The following TUSC3 variants were observed in gnomAD, a reference collection of about 807,000 sequenced individuals.
The protein encoded by TUSC3 is dolichyl-diphosphooligosaccharide--protein glycosyltransferase subunit TUSC3.
Under a neutral mutation model 44.8 loss-of-function variants are expected in TUSC3, and 45 were observed. The observed-to-expected ratio is 1.00, with a 90% confidence interval of 0.79 to 1.29. The LOEUF (loss-of-function observed/expected upper bound fraction) is 1.29, where lower values mean the gene tolerates loss of function less well. TUSC3 is among the 50% of genes most tolerant of loss of function. The pLI is 0.00. For synonymous variants in TUSC3, 212 were observed against 152.9 expected, an observed-to-expected ratio of 1.39 and a Z score of -2.85; for missense variants, 519 against 437.9, an observed-to-expected ratio of 1.19 and a Z score of -1.65.
chr8:15,482,501 C>T (rs919001322), intron 1 of TUSC3, among the ~76,000 whole-genome samples: 2 of 152,192 alleles, frequency 1.3e-5, no homozygotes, highest in Admixed American at 1.3e-4. Context: ...TTGAGACCTG[C>T]TGCTTAGAAA....
chr8:15,673,387 T>A (rs1207537438), intron 5 of TUSC3, among the ~76,000 whole-genome samples: 1 of 152,094 alleles, frequency 6.6e-6, no homozygotes, highest in African/African-American at 2.4e-5. Flanking sequence ...GATTATCATG[T>A]CCTTTAAAAT....
At chr8:15,418,582 C>G (rs552865218) in intron 1 of TUSC3, among the ~76,000 whole-genome samples, 1 of 152,022 alleles carries the variant, frequency 6.6e-6, no homozygotes, top group African/African-American at 2.4e-5. Context: ...GTTATAAAAT[C>G]GGCAGCAAAA....
At chr8:15,544,080 T>A (rs1423602001) in intron 1 of TUSC3, among the ~76,000 whole-genome samples, 2 of 152,158 alleles carry the variant, frequency 1.3e-5, no homozygotes, top group African/African-American at 2.4e-5. Context: ...ATTGGAAATT[T>A]GTATAGTCAC....
At chr8:15,443,023 C>G (rs1470919594) in intron 1 of TUSC3, among the ~76,000 whole-genome samples, 2 of 152,192 alleles carry the variant, frequency 1.3e-5, no homozygotes, top group Non-Finnish European at 2.9e-5. Context: ...CCAGTAACCC[C>G]TTCACTCCAC....
chr8:15,703,301 A>G (rs1563181305), intron 6 of TUSC3, among the ~76,000 whole-genome samples: 1 of 152,136 alleles, frequency 6.6e-6, no homozygotes, highest in Non-Finnish European at 1.5e-5. Flanking sequence ...AGGTAAAACA[A>G]ATAACATATT....
the TUSC3 span, among the ~76,000 whole-genome samples, chr8:15,792,567 A>C: frequency 7.2e-5 from 11 of 151,934 alleles, no homozygotes; most frequent in Non-Finnish European, 1.6e-4. Flanking sequence ...ATCATACTGC[A>C]TTTTTCTAGT....
At chr8:15,820,832 GT>G in the TUSC3 span, among the ~76,000 whole-genome samples, 1 of 152,004 alleles carries the variant, frequency 6.6e-6, no homozygotes, top group Admixed American at 6.6e-5. Flanking sequence ...TCCCTCTTAT[GT>G]TTTTTAAAAT....
chr8:15,494,215 G>A lies in TUSC3; in HGVS notation n.189+10732G>A, dbSNP rs187964546. Reference sequence around the variant, plus strand: ...GATCTGAATTCCTTCATAGTCCGTGGATGTCGTATGGCGTTTATTATCTAA... The same window carrying A: ...GATCTGAATTCCTTCATAGTCCGTGAATGTCGTATGGCGTTTATTATCTAA... On this transcript the variant is annotated intron_variant and non_coding_transcript_variant, in intron 2 of 5. Transcript: ENST00000503191. 1.9e-3 allele frequency among the ~76,000 whole-genome samples: 284 copies of A among 152,088 alleles called. 3 individuals carry two copies. The highest frequency in any genetic ancestry group is 6.4e-3 in the African/African-American group (265 of 41,498).
chr8:15,421,759 G>A lies in TUSC3; in HGVS notation n.91+4454G>A, dbSNP rs147715474. On this transcript the variant is annotated intron_variant and non_coding_transcript_variant, in intron 1 of 5. Coordinates refer to the TUSC3 transcript ENST00000503191. ...AAGAGAAAGAAAATGAGGTCTCCACGTCATCTGAGACCCTGGATCATAGAC... is the reference window on the plus strand; with the variant it reads ...AAGAGAAAGAAAATGAGGTCTCCACATCATCTGAGACCCTGGATCATAGAC... Among the ~76,000 whole-genome samples, 468 of 152,230 alleles carry A rather than the reference G, an allele frequency of 3.1e-3. 4 individuals carry two copies. The highest frequency in any genetic ancestry group is 0.011 in the African/African-American group (440 of 41,548).
At chr8:15,803,562 T>C in the TUSC3 span, among the ~76,000 whole-genome samples, 1 of 152,218 alleles carries the variant, frequency 6.6e-6, no homozygotes, top group South Asian at 2.1e-4. Flanking sequence ...TTTTATATTT[T>C]ACCTTAAGTT....
chr8:15,846,032 CCA>C, the TUSC3 span, among the ~76,000 whole-genome samples: 1 of 152,008 alleles, frequency 6.6e-6, no homozygotes, highest in Admixed American at 6.6e-5. Flanking sequence ...TCAGATAAAC[CCA>C]TGAGATCTCG....
At chr8:15,504,691 T>A (rs1801029769) in intron 2 of TUSC3, among the ~76,000 whole-genome samples, 1 of 142,040 alleles carries the variant, frequency 7.0e-6, no homozygotes, top group East Asian at 2.1e-4. Context: ...TCTCGCTGTG[T>A]CCCCAGGCTG....
chr8:15,472,814 A>C lies in TUSC3; in HGVS notation n.92-10572A>C, dbSNP rs551595706. 3.3e-5 allele frequency among the ~76,000 whole-genome samples: 5 copies of C among 152,370 alleles called. No homozygotes were observed. The South Asian group carries it at 1.0e-3, about 32-fold the overall frequency. On this transcript the variant is annotated intron_variant and non_coding_transcript_variant, in intron 1 of 5. Coordinates refer to the TUSC3 transcript ENST00000503191. Reference sequence around the variant, plus strand: ...GAAATATTTTCAAATATTTTATGCCATTAAATGGCAAATGCTTTGTGGACA... The same window carrying C: ...GAAATATTTTCAAATATTTTATGCCCTTAAATGGCAAATGCTTTGTGGACA...
chr8:15,570,761 C>G (rs1006488876), intron 1 of TUSC3, among the ~76,000 whole-genome samples: 2 of 151,966 alleles, frequency 1.3e-5, no homozygotes, highest in African/African-American at 4.8e-5. Context: ...AAATGCAGAA[C>G]TGACTTCAAA....
At chr8:15,837,430 C>A in the TUSC3 span, among the ~76,000 whole-genome samples, 2 of 152,162 alleles carry the variant, frequency 1.3e-5, no homozygotes, top group African/African-American at 4.8e-5. Flanking sequence ...CATTGGATCT[C>A]ATCTGCCTTT....
At chr8:15,573,234 G>GTT (rs1309149697) in intron 1 of TUSC3, among the ~76,000 whole-genome samples, 5 of 68,600 alleles carry the variant, frequency 7.3e-5, no homozygotes, top group Admixed American at 1.5e-4. Flanking sequence ...ATATATAAAA[G>GTT]TTTTTTTTTT....
intron 2 of TUSC3, among the ~76,000 whole-genome samples, chr8:15,522,485 G>A (rs766716653): frequency 4.6e-5 from 7 of 151,720 alleles, no homozygotes; most frequent in Non-Finnish European, 8.8e-5. Context: ...CACCCGCCTT[G>A]GCCTCCCAAA....
chr8:15,556,373 T>G (rs1802266259), intron 1 of TUSC3, among the ~76,000 whole-genome samples: 1 of 151,048 alleles, frequency 6.6e-6, no homozygotes, highest in Admixed American at 6.6e-5. Context: ...ATGGTGTATA[T>G]GTGCCACATT....
intron 6 of TUSC3, among the ~76,000 whole-genome samples, chr8:15,710,629 A>G (rs1403865628): frequency 6.6e-6 from 1 of 151,740 alleles, no homozygotes; most frequent in Non-Finnish European, 1.5e-5. Flanking sequence ...CCCCCAGGCT[A>G]CTTATTAAAA....
Sources: allele counts gnomAD v4.1 joint callset (sites outside exome capture counted in the v4.1 genomes callset), GRCh38; gene constraint gnomAD v4.1.1; transcripts MANE v1.5; gene names NCBI Gene and HGNC (gene_info 2026-07-23, HGNC 2026-07-21).